DCDC2C: variants seen among roughly 807,000 people sequenced by gnomAD.
The protein encoded by DCDC2C is doublecortin domain containing 2C.
DCDC2C carries 44 observed loss-of-function variants against 45.0 expected under a neutral mutation model. The ratio of observed to expected loss-of-function variants is 0.98; its 90% CI spans 0.77 to 1.26. The LOEUF (loss-of-function observed/expected upper bound fraction) is 1.26. Among genes scored for constraint, DCDC2C ranks in the 50% most tolerant of loss-of-function variants. The pLI is 0.00. For missense variants in DCDC2C, 447 were observed against 468.9 expected (o/e 0.95, Z 0.43); for synonymous variants, 187 against 178.8 (o/e 1.05, Z -0.37).
rs1672377012 is a variant in DCDC2C, at chr2:3,847,965, C to T, written c.*782C>T. 6.6e-6 allele frequency among the ~76,000 whole-genome samples: 1 copy of T among 152,200 alleles called. No homozygotes were observed. Among genetic ancestry groups the T allele is most frequent in the South Asian group, 2.1e-4 (1 of 4,832 alleles). On this transcript the variant is annotated 3_prime_UTR_variant, in exon 11 of 11. Coordinates refer to ENST00000399143, the MANE Select transcript of DCDC2C (RefSeq NM_001287444.2). ...TCCCAAGCCATGCCTCCTATACAGCCTGCAGAACTGTGAGCCAATTAAACC... is the reference window on the plus strand; with the variant it reads ...TCCCAAGCCATGCCTCCTATACAGCTTGCAGAACTGTGAGCCAATTAAACC...
intron 10 of DCDC2C, among the ~76,000 whole-genome samples, chr2:3,788,050 A>C (rs1670699683): frequency 6.6e-6 from 1 of 152,242 alleles, no homozygotes; most frequent in Non-Finnish European, 1.5e-5. Flanking sequence ...TCTATGTTGC[A>C]AGTGTTGCTT....
At chr2:3,822,759 A>G (rs1380791516) in intron 10 of DCDC2C, among the ~76,000 whole-genome samples, 1 of 152,068 alleles carries the variant, frequency 6.6e-6, no homozygotes, top group Admixed American at 6.5e-5. Flanking sequence ...ATGGCATTTA[A>G]AGCTATACAT....
At chr2:3,727,582 G>C (rs1178433392) in intron 3 of DCDC2C, among the ~76,000 whole-genome samples, 1 of 152,240 alleles carries the variant, frequency 6.6e-6, no homozygotes, top group African/African-American at 2.4e-5. Context: ...GTGCATTAGA[G>C]CCTCACTGGC....
At chr2:3,704,917 G>A (rs1355067255) in intron 1 of DCDC2C, among the ~76,000 whole-genome samples, 1 of 152,136 alleles carries the variant, frequency 6.6e-6, no homozygotes, top group Non-Finnish European at 1.5e-5. Context: ...GCCTGTGTCT[G>A]CTTTCTGTGA....
In DCDC2C at chr2:3,752,734, T is replaced by C. The variant is rs935600099; in HGVS notation, c.546-29T>C. The C allele has an allele frequency of 3.1e-5, 48 of 1,549,802 alleles. No homozygotes were observed. The African/African-American group carries it at 5.1e-4, about 16-fold the overall frequency. ...CCTATGCTACTGGTCCTCAAGTCTC[T>C]ATCTCATTTCTTCTTTCTGTTTTTA... On this transcript the variant is annotated intron_variant, in intron 4 of 10. Coordinates refer to ENST00000399143, the MANE Select transcript of DCDC2C (RefSeq NM_001287444.2).
chr2:3,820,628 G>A (rs550031367), intron 10 of DCDC2C, among the ~76,000 whole-genome samples: 25 of 152,122 alleles, frequency 1.6e-4, no homozygotes, highest in African/African-American at 2.7e-4. Flanking sequence ...GACCGGTGCC[G>A]GAGTTTTGGG....
At chr2:3,749,509 C>G (rs1669475936) in intron 4 of DCDC2C, among the ~76,000 whole-genome samples, 1 of 152,212 alleles carries the variant, frequency 6.6e-6, no homozygotes, top group African/African-American at 2.4e-5. Flanking sequence ...CACGTTCTGT[C>G]TGGAACTTCC....
Position 3,774,853 on chromosome 2 carries a change from G to A in DCDC2C, c.955-3963G>A, listed in dbSNP as rs546645494. ...ACAATCTCAGCTCACTGCAACCTCT[G>A]CCTCCCAGTTCAAGCGATTCTCCTG... On this transcript the variant is annotated intron_variant, in intron 8 of 10. Coordinates refer to ENST00000399143, the MANE Select transcript of DCDC2C (RefSeq NM_001287444.2). 5.9e-5 allele frequency among the ~76,000 whole-genome samples: 9 copies of A among 151,448 alleles called. 1 individual carries two copies. Among genetic ancestry groups the A allele is most frequent in the Admixed American group, 5.3e-4 (8 of 15,216 alleles).
At chr2:3,838,136 T>C (rs1403330401) in intron 10 of DCDC2C, among the ~76,000 whole-genome samples, 1 of 151,936 alleles carries the variant, frequency 6.6e-6, no homozygotes, top group East Asian at 1.9e-4. Context: ...GTGGAAGGCA[T>C]GTCCGGGGCA....
At chr2:3,785,681 T>C (rs1199456373) in intron 10 of DCDC2C, among the ~76,000 whole-genome samples, 2 of 152,186 alleles carry the variant, frequency 1.3e-5, no homozygotes, top group Non-Finnish European at 2.9e-5. Flanking sequence ...TCAGCAGGAC[T>C]GAGTTCTCAT....
chr2:3,808,902 C>A (rs975488816), intron 10 of DCDC2C, among the ~76,000 whole-genome samples: 6 of 152,170 alleles, frequency 3.9e-5, no homozygotes, highest in Non-Finnish European at 8.8e-5. Flanking sequence ...GTCCAGGACC[C>A]ATTTTGAGTT....
At chr2:3,829,385 GT>G (rs1251071318) in intron 10 of DCDC2C, among the ~76,000 whole-genome samples, 1 of 149,118 alleles carries the variant, frequency 6.7e-6, no homozygotes, top group African/African-American at 2.5e-5. Context: ...GCTTGGCTCT[GT>G]GAGGAACTGT....
chr2:3,713,802 C>T (rs1668281446), intron 2 of DCDC2C, among the ~76,000 whole-genome samples: 1 of 152,184 alleles, frequency 6.6e-6, no homozygotes. Context: ...GTGAGATGAT[C>T]TTTGTAAATC....
intron 2 of DCDC2C, among the ~76,000 whole-genome samples, chr2:3,724,053 T>A (rs993132714): frequency 6.6e-6 from 1 of 152,188 alleles, no homozygotes; most frequent in Non-Finnish European, 1.5e-5. Flanking sequence ...AGGTATTGCA[T>A]TGTGCCTTTT....
intron 6 of DCDC2C, among the ~76,000 whole-genome samples, chr2:3,758,820 G>A (rs561648202): frequency 3.9e-5 from 6 of 152,342 alleles, no homozygotes; most frequent in African/African-American, 1.2e-4. Flanking sequence ...GGCCGCTAGT[G>A]CTGGTTGTTG....
At chr2:3,729,078 A>G (rs368060610) in intron 3 of DCDC2C, among the ~76,000 whole-genome samples, 3 of 152,206 alleles carry the variant, frequency 2.0e-5, no homozygotes, top group East Asian at 1.9e-4. Flanking sequence ...TTCCACTTAT[A>G]CTGGCGTGGA....
intron 10 of DCDC2C, among the ~76,000 whole-genome samples, chr2:3,791,861 C>G (rs1310340226): frequency 1.3e-5 from 2 of 152,258 alleles, no homozygotes; most frequent in Non-Finnish European, 2.9e-5. Flanking sequence ...ACAGGGCATT[C>G]TGTGTCCCTC....
At chr2:3,710,824 T>C (rs1572548969) in intron 2 of DCDC2C, among the ~76,000 whole-genome samples, 1 of 152,190 alleles carries the variant, frequency 6.6e-6, no homozygotes, top group East Asian at 1.9e-4. Flanking sequence ...TATTCCACGG[T>C]GTATATGTAC....
intron 10 of DCDC2C, among the ~76,000 whole-genome samples, chr2:3,807,183 G>A (rs980923246): frequency 1.1e-4 from 16 of 152,086 alleles, no homozygotes; most frequent in African/African-American, 3.1e-4. Context: ...AAGGAGAGCC[G>A]GGATCTTCCC....
Sources: allele counts gnomAD v4.1 joint callset (sites outside exome capture counted in the v4.1 genomes callset), GRCh38; gene constraint gnomAD v4.1.1; transcripts MANE v1.5; gene names NCBI Gene and HGNC (gene_info 2026-07-23, HGNC 2026-07-21).